The following CYP20A1 variants were observed in gnomAD, a reference collection of about 807,000 sequenced individuals.
The protein encoded by CYP20A1 is cytochrome P450 family 20 subfamily A member 1, also known as cytochrome P450 20A1.
Under a neutral mutation model 61.4 loss-of-function variants are expected in CYP20A1, and 61 were observed. That is an observed-to-expected ratio of 0.99 (90% confidence interval 0.81 to 1.23). The LOEUF is 1.23. Ranked by LOEUF, CYP20A1 falls within the 50% of genes most tolerant of loss-of-function variation. The pLI is 0.00. For synonymous variants in CYP20A1, 193 were observed against 188.2 expected, an observed-to-expected ratio of 1.03 and a Z score of -0.21; for missense variants, 530 against 542.4, an observed-to-expected ratio of 0.98 and a Z score of 0.23.
intron 8 of CYP20A1, among the ~76,000 whole-genome samples, chr2:203,285,354 G>T (rs2068221305): frequency 2.0e-5 from 3 of 152,078 alleles, no homozygotes; most frequent in Admixed American, 2.0e-4. Flanking sequence ...AGTGGCTCCA[G>T]TTACTTACCA....
chr2:203,282,705 C>T (rs1329771559), intron 8 of CYP20A1, among the ~76,000 whole-genome samples: 4 of 151,912 alleles, frequency 2.6e-5, no homozygotes, highest in South Asian at 2.1e-4. Flanking sequence ...AAGTCTCCTC[C>T]GAAGTTTTTG....
At chr2:203,243,497 G>A (rs189223767) in intron 1 of CYP20A1, among the ~76,000 whole-genome samples, 2 of 151,644 alleles carry the variant, frequency 1.3e-5, no homozygotes, top group Admixed American at 6.6e-5. Flanking sequence ...CTCAAATCCC[G>A]CCTCAGCCTC....
At chr2:203,296,338 G>T in intron 11 of CYP20A1, 136 bp from the exon 12 acceptor site, 1 of 529,232 alleles carries the variant, frequency 1.9e-6, no homozygotes, top group South Asian at 2.3e-5. Flanking sequence ...AAAATAAGTG[G>T]CATTTAAATA....
intron 3 of CYP20A1, among the ~76,000 whole-genome samples, chr2:203,248,995 G>A (rs933862334): frequency 6.6e-6 from 1 of 152,128 alleles, no homozygotes; most frequent in African/African-American, 2.4e-5. Flanking sequence ...ATAGGTGTGA[G>A]CCACTTCACC....
chr2:203,287,773 T>C (rs1225267340), intron 9 of CYP20A1, among the ~76,000 whole-genome samples: 1 of 152,142 alleles, frequency 6.6e-6, no homozygotes, highest in Non-Finnish European at 1.5e-5. Flanking sequence ...TTTCAAAAGC[T>C]GGGCCTTGTG....
At chr2:203,275,240 C>T (rs2067766679) in intron 6 of CYP20A1, among the ~76,000 whole-genome samples, 1 of 152,136 alleles carries the variant, frequency 6.6e-6, no homozygotes, top group Non-Finnish European at 1.5e-5. Context: ...CAGTAGTTCC[C>T]AAACTTTGCT....
intron 9 of CYP20A1, among the ~76,000 whole-genome samples, chr2:203,287,235 A>T (rs906085429): frequency 6.6e-6 from 1 of 150,904 alleles, no homozygotes; most frequent in African/African-American, 2.4e-5. Flanking sequence ...AAAAAAAAAA[A>T]AAAAGAAAAG....
chr2:203,252,177 G>A, intron 4 of CYP20A1, 68 bp downstream of exon 4: 1 of 1,236,728 alleles, frequency 8.1e-7, no homozygotes, highest in East Asian at 2.7e-5. Context: ...TTTGAGTATT[G>A]GTGTGTACTA....
At chr2:203,251,801 A>ATG (rs1177590503) in intron 3 of CYP20A1, among the ~76,000 whole-genome samples, 166 bp from the exon 4 acceptor site, 1 of 83,566 alleles carries the variant, frequency 1.2e-5, no homozygotes, top group African/African-American at 5.4e-5. Flanking sequence ...GTGTATATAT[A>ATG]TATATATATA....
At chr2:203,286,160 G>A (rs1246237305) in intron 9 of CYP20A1, among the ~76,000 whole-genome samples, 2 of 152,140 alleles carry the variant, frequency 1.3e-5, no homozygotes, top group African/African-American at 2.4e-5. Context: ...GTGCTGGGAC[G>A]TGCCTGTAGT....
intron 4 of CYP20A1, among the ~76,000 whole-genome samples, chr2:203,253,380 G>A (rs1308414365): frequency 5.9e-5 from 9 of 152,112 alleles, no homozygotes; most frequent in South Asian, 4.2e-4. Flanking sequence ...CCAGGGCTCC[G>A]GGCTCCATCC....
At chr2:203,274,899 T>C (rs2067753421) in intron 6 of CYP20A1, among the ~76,000 whole-genome samples, 1 of 152,242 alleles carries the variant, frequency 6.6e-6, no homozygotes, top group Non-Finnish European at 1.5e-5. Flanking sequence ...ATAATTTATA[T>C]TCTTTGATCC....
intron 4 of CYP20A1, among the ~76,000 whole-genome samples, chr2:203,265,429 C>G (rs1290893974): frequency 6.6e-6 from 1 of 152,204 alleles, no homozygotes; most frequent in Non-Finnish European, 1.5e-5. Flanking sequence ...ATGCCAGGGT[C>G]TTACTAACTC....
At chr2:203,287,060 A>AT (rs2068302912) in intron 9 of CYP20A1, among the ~76,000 whole-genome samples, 1 of 151,450 alleles carries the variant, frequency 6.6e-6, no homozygotes, top group Non-Finnish European at 1.5e-5. Context: ...TAAAAAAAAA[A>AT]TACAAAAAAT....
intron 8 of CYP20A1, among the ~76,000 whole-genome samples, chr2:203,284,732 C>T (rs992133903): frequency 1.3e-5 from 2 of 148,984 alleles, no homozygotes; most frequent in African/African-American, 2.5e-5. Context: ...TTTTGAGAAC[C>T]ACTGCTTTTT....
chr2:203,261,453 G>T (rs1430608236), intron 4 of CYP20A1, among the ~76,000 whole-genome samples: 1 of 148,912 alleles, frequency 6.7e-6, no homozygotes, highest in Non-Finnish European at 1.5e-5. Flanking sequence ...TATAGTTCCA[G>T]CTACTCAGGA....
At chr2:203,261,095 A>C (rs910675486) in intron 4 of CYP20A1, among the ~76,000 whole-genome samples, 1 of 152,082 alleles carries the variant, frequency 6.6e-6, no homozygotes, top group Non-Finnish European at 1.5e-5. Flanking sequence ...TAGGCTGAGC[A>C]TGGTGGCTCA....
At chr2:203,252,244 A>C in intron 4 of CYP20A1, 135 bp downstream of exon 4, 5 of 669,396 alleles carry the variant, frequency 7.5e-6, no homozygotes, top group Non-Finnish European at 6.9e-6. Context: ...TGAAATTAAA[A>C]ACGACAACAA....
rs1216555164 is a variant in CYP20A1, at chr2:203,302,304, C to A, written c.*5396C>A. ...CAAGCACTTTGGGAGTTCAAGGCGG[C>A]CAGATTGCTTGAGCTTTTAGAAGTT... On this transcript the variant is annotated 3_prime_UTR_variant, in exon 13 of 13. Coordinates refer to ENST00000356079, the MANE Select transcript of CYP20A1 (RefSeq NM_177538.3). Among the ~76,000 whole-genome samples the A allele has an allele frequency of 6.6e-6, 1 of 152,120 alleles. No homozygotes were observed. The highest frequency in any genetic ancestry group is 2.4e-5 in the African/African-American group (1 of 41,430).
Sources: gnomAD v4.1 joint callset for allele counts (sites outside exome capture counted in the v4.1 genomes callset) on GRCh38, gnomAD v4.1.1 for gene constraint, MANE v1.5 for transcripts, NCBI Gene and HGNC (gene_info 2026-07-23, HGNC 2026-07-21) for gene names.